Variants in RUFY4 observed in about 807,000 individuals in gnomAD.
RUFY4 encodes RUN and FYVE domain containing 4, also known as RUN and FYVE domain-containing protein 4.
In RUFY4, 73 loss-of-function variants were observed where a neutral mutation model predicts 69.0. The observed-to-expected ratio is 1.06, with a 90% CI of 0.88 to 1.29. The LOEUF (loss-of-function observed/expected upper bound fraction) is 1.29. Ranked by LOEUF, RUFY4 falls within the 50% of genes most tolerant of loss-of-function variation. The pLI is 0.00. For missense variants in RUFY4, 770 were observed against 705.6 expected, an observed-to-expected ratio of 1.09 and a Z score of -1.03; for synonymous variants, 287 against 271.8, an observed-to-expected ratio of 1.06 and a Z score of -0.55.
At chr2:218,051,671 G>A (rs1688946943) in intron 2 of RUFY4, among the ~76,000 whole-genome samples, 3 of 146,164 alleles carry the variant, frequency 2.1e-5, no homozygotes, top group Admixed American at 6.7e-5. Context: ...ATGAAGGATG[G>A]TTTTGTAAAG....
upstream of RUFY4, chr2:218,069,461 C>T (rs1689427892): frequency 6.6e-6 from 1 of 152,018 alleles, no homozygotes; most frequent in African/African-American, 2.4e-5. Context: ...CACATGGAGC[C>T]GTTCATGGAT....
intron 2 of RUFY4, among the ~76,000 whole-genome samples, chr2:218,055,057 G>A (rs1210084746): frequency 2.0e-5 from 3 of 152,162 alleles, no homozygotes; most frequent in Non-Finnish European, 4.4e-5. Flanking sequence ...TCAGAAGCCT[G>A]CCTTAATTTG....
intron 6 of RUFY4, among the ~76,000 whole-genome samples, chr2:218,074,105 G>T (rs1689564433): frequency 6.6e-6 from 1 of 152,078 alleles, no homozygotes. Flanking sequence ...GAGAGAAAGG[G>T]AACTCTAGCA....
chr2:218,070,906 TA>T, intron 2 of RUFY4, 47 bp downstream of exon 4: 1 of 1,417,290 alleles, frequency 7.1e-7, no homozygotes, highest in Non-Finnish European at 9.5e-7. Context: ...CAGACCCAGA[TA>T]ACTGGTGGGA....
At chr2:218,055,053 G>A (rs540815849) in intron 2 of RUFY4, among the ~76,000 whole-genome samples, 21 of 152,202 alleles carry the variant, frequency 1.4e-4, no homozygotes, top group African/African-American at 5.1e-4. Flanking sequence ...AAAATCAGAA[G>A]CCTGCCTTAA....
chr2:218,076,416 C>T lies in RUFY4; in HGVS notation c.1249-11C>T, dbSNP rs1206405751. 4 of 1,549,150 alleles carry T rather than the reference C, an allele frequency of 2.6e-6. No individual in the cohort carries two copies. The highest frequency in any genetic ancestry group is 3.5e-6 in the Non-Finnish European group (4 of 1,146,220). ...CCTTCAGCCTCCTTCTCCCCTCCTTCCACCCCACAGAGCCTCAGACTTGGG... is the reference window on the plus strand; with the variant it reads ...CCTTCAGCCTCCTTCTCCCCTCCTTTCACCCCACAGAGCCTCAGACTTGGG... On this transcript the variant is annotated splice_polypyrimidine_tract_variant and intron_variant, in intron 7 of 10. Coordinates refer to ENST00000344321, the Ensembl canonical transcript of RUFY4.
intron 5 of RUFY4, 51 bp from the exon 8 acceptor site, chr2:218,073,765 A>G: frequency 6.2e-7 from 1 of 1,603,788 alleles, no homozygotes; most frequent in South Asian, 1.1e-5. Context: ...CTGAGGACCA[A>G]GCCCAACACT....
At chr2:218,041,696 G>C (rs920659756) in intron 2 of RUFY4, among the ~76,000 whole-genome samples, 1 of 152,176 alleles carries the variant, frequency 6.6e-6, no homozygotes, top group Non-Finnish European at 1.5e-5. Context: ...GAATGATTGA[G>C]GTAAGTTTTG....
chr2:218,036,518 G>A (rs1468657012), intron 2 of RUFY4, among the ~76,000 whole-genome samples: 2 of 152,220 alleles, frequency 1.3e-5, no homozygotes, highest in Non-Finnish European at 2.9e-5. Flanking sequence ...ACCAACAGTT[G>A]AGTTAAGGAT....
chr2:218,070,223 A>G, upstream of RUFY4: 1 of 282,942 alleles, frequency 3.5e-6, no homozygotes, highest in Non-Finnish European at 7.0e-6. Flanking sequence ...ACCTGAGTTC[A>G]AGTCCTGGGT....
intron 6 of RUFY4, 164 bp downstream of exon 8, chr2:218,074,049 G>T: frequency 1.4e-6 from 1 of 713,136 alleles, no homozygotes; most frequent in Non-Finnish European, 2.4e-6. Context: ...CTGGGGAGCT[G>T]CAGAGGAGGA....
At chr2:218,069,670 C>T (rs907981836), upstream of RUFY4, 1 of 152,254 alleles carries the variant, frequency 6.6e-6, no homozygotes, top group Non-Finnish European at 1.5e-5. Context: ...CCACCCACCT[C>T]CCTCATTTAC....
chr2:218,037,784 G>A (rs535732546), intron 2 of RUFY4, among the ~76,000 whole-genome samples: 62 of 152,128 alleles, frequency 4.1e-4, no homozygotes, highest in Non-Finnish European at 7.1e-4. Context: ...TAGAACAGAA[G>A]CAAATCACTA....
chr2:218,072,194 C>T (rs1323189636), intron 2 of RUFY4, among the ~76,000 whole-genome samples, 180 bp from the exon 5 acceptor site: 1 of 152,176 alleles, frequency 6.6e-6, no homozygotes, highest in Non-Finnish European at 1.5e-5. Context: ...CACTGAGGCT[C>T]AGGGAGGTCA....
chr2:218,056,367 G>T (rs1318513909), intron 2 of RUFY4, among the ~76,000 whole-genome samples: 2 of 151,872 alleles, frequency 1.3e-5, no homozygotes, highest in African/African-American at 4.8e-5. Context: ...AGAATAATCA[G>T]ATAGAACTTG....
intron 7 of RUFY4, 23 bp from the exon 10 acceptor site, chr2:218,076,404 T>C (rs1167012712): frequency 6.5e-7 from 1 of 1,547,334 alleles, no homozygotes; most frequent in Admixed American, 2.0e-5. Context: ...TCAGCCTCCT[T>C]CTCCCCTCCT....
At chr2:218,082,886 G>A (rs1689796635) in intron 8 of RUFY4, among the ~76,000 whole-genome samples, 1 of 72,574 alleles carries the variant, frequency 1.4e-5, no homozygotes, top group Non-Finnish European at 3.1e-5. Context: ...TGTCTTCTGT[G>A]TTGTGCGTAT....
chr2:218,089,639 G>A (rs1187593705), intron 10 of RUFY4: 1 of 698,238 alleles, frequency 1.4e-6, no homozygotes, highest in Non-Finnish European at 2.6e-6. Flanking sequence ...CTGGAAGGGA[G>A]CATCTGTACA....
chr2:218,083,008 C>A, intron 8 of RUFY4, 102 bp from the exon 11 acceptor site: 2 of 1,295,620 alleles, frequency 1.5e-6, no homozygotes, highest in Admixed American at 3.1e-5. Flanking sequence ...GGGGCATCAC[C>A]AGCGTCTCCC....
Sources: allele counts gnomAD v4.1 joint callset (sites outside exome capture counted in the v4.1 genomes callset), GRCh38; gene constraint gnomAD v4.1.1; transcripts MANE v1.5; gene names NCBI Gene and HGNC (gene_info 2026-07-23, HGNC 2026-07-21).